Variants in KDM4C observed in about 807,000 individuals in gnomAD.
The protein encoded by KDM4C is lysine-specific demethylase 4C.
Under a neutral mutation model 129.3 loss-of-function variants are expected in KDM4C, and 81 were observed. The ratio of observed to expected loss-of-function variants is 0.63; its 90% CI spans 0.52 to 0.75. The LOEUF is 0.75. KDM4C is among the 30% of genes least tolerant of loss of function. The probability of loss-of-function intolerance (pLI) is 0.00; values close to 1 mark genes in which losing one functional copy is unlikely to be tolerated. For missense variants in KDM4C, 1,457 were observed against 1,304.0 expected, an observed-to-expected ratio of 1.12 and a Z score of -1.81; for synonymous variants, 573 against 456.1, an observed-to-expected ratio of 1.26 and a Z score of -3.26.
chr9:6,873,067 C>T (rs1346327969), intron 5 of KDM4C, among the ~76,000 whole-genome samples: 1 of 152,170 alleles, frequency 6.6e-6, no homozygotes, highest in Non-Finnish European at 1.5e-5. Context: ...GTTGGGATTA[C>T]AGGCGCGCAC....
intron 1 of KDM4C, among the ~76,000 whole-genome samples, chr9:6,735,778 G>T (rs888272749): frequency 1.3e-5 from 2 of 152,174 alleles, no homozygotes; most frequent in Non-Finnish European, 2.9e-5. Context: ...TACTAGTAGA[G>T]CAGGGCACTG....
At chr9:6,970,600 G>A (rs1021945083) in intron 8 of KDM4C, among the ~76,000 whole-genome samples, 2 of 152,156 alleles carry the variant, frequency 1.3e-5, no homozygotes, top group Non-Finnish European at 2.9e-5. Context: ...GCACTGTGAA[G>A]GAAAGGCTTG....
At chr9:6,916,587 T>C (rs1188595711) in intron 8 of KDM4C, among the ~76,000 whole-genome samples, 1 of 152,194 alleles carries the variant, frequency 6.6e-6, no homozygotes, top group African/African-American at 2.4e-5. Context: ...GCTAATTCGT[T>C]TGACCAGATG....
intron 13 of KDM4C, among the ~76,000 whole-genome samples, chr9:7,013,361 TTCTTAAAGCCTC>T (rs1326686503): frequency 9.2e-5 from 14 of 152,186 alleles, no homozygotes; most frequent in African/African-American, 3.4e-4. Flanking sequence ...GAGGCAAAAA[TTCTTAAAGCCTC>T]TCTTAATACT....
chr9:7,143,215 G>A (rs984525884), intron 19 of KDM4C, among the ~76,000 whole-genome samples: 1 of 152,144 alleles, frequency 6.6e-6, no homozygotes, highest in Non-Finnish European at 1.5e-5. Flanking sequence ...GCCTCTATAC[G>A]CAGATCTATA....
Position 7,175,291 on chromosome 9 carries a change from T to C in KDM4C, c.*562T>C, listed in dbSNP as rs1285520968. The C allele has an allele frequency of 6.5e-6, 1 of 152,694 alleles. No homozygotes were observed. The highest frequency in any genetic ancestry group is 1.9e-4 in the East Asian group (1 of 5,200). The allele number at this position is 152,694 out of a possible 1,614,324, so 9.5% of individuals were successfully genotyped here. ...TATCTGTATTTCCCTTGTACAGAAC[T>C]TTTACATTTTTGAATATTCCTATTA... On this transcript the variant is annotated 3_prime_UTR_variant, in exon 22 of 22. Coordinates refer to ENST00000381309, the MANE Select transcript of KDM4C (RefSeq NM_015061.6).
At chr9:6,911,568 C>A (rs1819312307) in intron 8 of KDM4C, among the ~76,000 whole-genome samples, 1 of 152,208 alleles carries the variant, frequency 6.6e-6, no homozygotes, top group African/African-American at 2.4e-5. Flanking sequence ...TGATACATTT[C>A]ACTTCCTACC....
chr9:6,938,517 C>G (rs1825232958), intron 8 of KDM4C, among the ~76,000 whole-genome samples: 1 of 152,174 alleles, frequency 6.6e-6, no homozygotes, highest in Admixed American at 6.5e-5. Flanking sequence ...TTGGAAGATA[C>G]TCTAAATGGG....
At chr9:7,086,225 A>G (rs1050878716) in intron 17 of KDM4C, among the ~76,000 whole-genome samples, 3 of 152,326 alleles carry the variant, frequency 2.0e-5, no homozygotes, top group South Asian at 2.1e-4. Flanking sequence ...ATTTTTTAAT[A>G]TCATCTAAAA....
chr9:7,147,258 T>C (rs773588702), intron 19 of KDM4C, among the ~76,000 whole-genome samples: 5 of 152,156 alleles, frequency 3.3e-5, no homozygotes, highest in Non-Finnish European at 5.9e-5. Flanking sequence ...ATCACTTCAG[T>C]GTGAAGCGTC....
exon 1 of KDM4C, chr9:6,720,895 T>G (rs886707644): frequency 1.4e-6 from 2 of 1,479,416 alleles, no homozygotes; most frequent in Non-Finnish European, 1.8e-6. Flanking sequence ...ACCTGAAAGT[T>G]GTTGAATAGT....
chr9:7,054,306 A>AT (rs961764438), intron 17 of KDM4C, among the ~76,000 whole-genome samples: 5 of 152,130 alleles, frequency 3.3e-5, no homozygotes, highest in African/African-American at 1.2e-4. Context: ...TTTATTCAGA[A>AT]TTTTTTCCTT....
chr9:7,013,763 CA>C (rs1563982639), intron 13 of KDM4C, 24 bp from the exon 14 acceptor site: 1 of 1,605,912 alleles, frequency 6.2e-7, no homozygotes, highest in Non-Finnish European at 8.5e-7. Flanking sequence ...GTTTTTCACT[CA>C]TGTGGAAACG....
chr9:6,941,420 T>C (rs575348627), intron 8 of KDM4C, among the ~76,000 whole-genome samples: 4 of 152,348 alleles, frequency 2.6e-5, no homozygotes, highest in African/African-American at 7.2e-5. Context: ...TATATTAGAC[T>C]TTATCAGAGA....
At chr9:7,042,986 A>G (rs10976005) in intron 15 of KDM4C, among the ~76,000 whole-genome samples, 2,169 of 152,204 alleles carry the variant, frequency 0.014, 22 homozygotes, top group Non-Finnish European at 0.023. Flanking sequence ...CAACTACTCT[A>G]TAGTTGTGCA....
At chr9:6,879,265 A>T (rs1173007408) in intron 5 of KDM4C, among the ~76,000 whole-genome samples, 4 of 152,172 alleles carry the variant, frequency 2.6e-5, no homozygotes, top group African/African-American at 9.7e-5. Context: ...AAATGCCTTT[A>T]CAATTTAGTA....
At chr9:7,012,784 A>G (rs560726861) in intron 13 of KDM4C, among the ~76,000 whole-genome samples, 10 of 152,290 alleles carry the variant, frequency 6.6e-5, no homozygotes, top group South Asian at 2.1e-4. Context: ...TTAAGGTACA[A>G]TATATTATGA....
chr9:6,835,391 A>C (rs1835698211), intron 4 of KDM4C: 1 of 1,122,948 alleles, frequency 8.9e-7, no homozygotes, highest in African/African-American at 1.5e-5. Flanking sequence ...AACAGGATGC[A>C]GAAGGAGATC....
intron 8 of KDM4C, among the ~76,000 whole-genome samples, chr9:6,968,487 C>T (rs928149036): frequency 2.6e-5 from 4 of 152,198 alleles, no homozygotes; most frequent in South Asian, 2.1e-4. Context: ...AGAGAGAGGA[C>T]GTCTGCTCTC....
Sources: allele counts gnomAD v4.1 joint callset (sites outside exome capture counted in the v4.1 genomes callset), GRCh38; gene constraint gnomAD v4.1.1; transcripts MANE v1.5; gene names NCBI Gene and HGNC (gene_info 2026-07-23, HGNC 2026-07-21).